The following ADGRE3 variants were observed in gnomAD, a reference collection of about 807,000 sequenced individuals.
ADGRE3 encodes the protein adhesion G protein-coupled receptor E3, also known as EGF-like module receptor 3.
Under a neutral mutation model 80.1 loss-of-function variants are expected in ADGRE3, and 88 were observed. The ratio of observed to expected loss-of-function variants is 1.10; its 90% CI spans 0.93 to 1.31. The LOEUF (loss-of-function observed/expected upper bound fraction) is 1.31, where lower values mean the gene tolerates loss of function less well. Among genes scored for constraint, ADGRE3 ranks in the 40% most tolerant of loss-of-function variants. The pLI, the probability that ADGRE3 is intolerant of heterozygous loss-of-function variation, is 0.00. For missense variants in ADGRE3, 715 were observed against 776.5 expected, an observed-to-expected ratio of 0.92 and a Z score of 0.94; for synonymous variants, 281 against 294.8, an observed-to-expected ratio of 0.95 and a Z score of 0.48.
At chr19:14,654,621 T>G (rs573686465) in intron 6 of ADGRE3, among the ~76,000 whole-genome samples, 8 of 152,204 alleles carry the variant, frequency 5.3e-5, no homozygotes, top group African/African-American at 1.9e-4. Flanking sequence ...ATTGGCAATC[T>G]TCTGAATAAA....
intron 1 of ADGRE3, 34 bp from the exon 2 acceptor site, chr19:14,668,886 G>A: frequency 6.2e-7 from 1 of 1,600,296 alleles, no homozygotes; most frequent in Non-Finnish European, 8.6e-7. Flanking sequence ...GGAGAGACAT[G>A]AAACAATTGA....
chr19:14,647,620 GTTGGCCAGGC>G (rs1971451938), intron 7 of ADGRE3, among the ~76,000 whole-genome samples: 1 of 151,386 alleles, frequency 6.6e-6, no homozygotes, highest in Admixed American at 6.6e-5. Context: ...GTTTCACTAT[GTTGGCCAGGC>G]TGGTCTCAAA....
chr19:14,619,639 C>T (rs1970477554), intron 15 of ADGRE3, among the ~76,000 whole-genome samples, 168 bp from the exon 16 acceptor site: 1 of 152,218 alleles, frequency 6.6e-6, no homozygotes, highest in Admixed American at 6.5e-5. Context: ...ATGTGGTCTT[C>T]TTTGGCTTAG....
rs1310594817 is a variant in ADGRE3 at position 14,638,349 on chromosome 19, G to A, written c.1249-9C>T. 6.2e-7 allele frequency: 1 copy of A among 1,608,770 alleles called. No individual in the cohort carries two copies. Among genetic ancestry groups the A allele is most frequent in the Non-Finnish European group, 8.5e-7 (1 of 1,175,452 alleles). ...ATGATGGAGCACAGCACCTGGGGGAGGAGAAAGGGATGCCTGAAGGGGTTG... is the reference window on the plus strand; with the variant it reads ...ATGATGGAGCACAGCACCTGGGGGAAGAGAAAGGGATGCCTGAAGGGGTTG... On this transcript the variant is annotated splice_polypyrimidine_tract_variant and intron_variant, in intron 10 of 15. Coordinates refer to ENST00000253673, the MANE Select transcript of ADGRE3 (RefSeq NM_032571.5).
intron 3 of ADGRE3, 134 bp from the exon 4 acceptor site, chr19:14,662,252 A>G: frequency 1.2e-6 from 1 of 820,088 alleles, no homozygotes; most frequent in South Asian, 1.9e-5. Context: ...GGTAATGGTT[A>G]TCTTGGTTTT....
chr19:14,617,341 C>CCTTTCTTTTTCTTT (rs2075083332), downstream of ADGRE3, among the ~76,000 whole-genome samples: 2 of 57,170 alleles, frequency 3.5e-5, no homozygotes, highest in South Asian at 7.3e-4. Context: ...TCCCTCCCTC[C>CCTTTCTTTTTCTTT]CTTTCTTTCT....
chr19:14,605,609 C>T, the ADGRE3 span, among the ~76,000 whole-genome samples: 2 of 152,158 alleles, frequency 1.3e-5, no homozygotes, highest in Non-Finnish European at 2.9e-5. Flanking sequence ...TCCCTCCCTG[C>T]CCCCTACTTG....
the ADGRE3 span, among the ~76,000 whole-genome samples, chr19:14,613,542 T>C: frequency 3.3e-5 from 5 of 152,118 alleles, no homozygotes; most frequent in Non-Finnish European, 7.4e-5. Context: ...CCTTAATCAA[T>C]AGCAGAATCT....
At chr19:14,666,934 C>T (rs1243218744) in intron 2 of ADGRE3, among the ~76,000 whole-genome samples, 1 of 152,164 alleles carries the variant, frequency 6.6e-6, no homozygotes, top group East Asian at 1.9e-4. Flanking sequence ...TCCTAAAATT[C>T]ATGTCCACCC....
intron 7 of ADGRE3, 87 bp downstream of exon 7, chr19:14,650,992 CATGAGG>C: frequency 1.5e-6 from 2 of 1,375,476 alleles, no homozygotes; most frequent in Non-Finnish European, 2.0e-6. Context: ...GTAAAAAGCC[CATGAGG>C]GGAGAGCCCA....
chr19:14,614,137 C>T (rs2075062609), downstream of ADGRE3, among the ~76,000 whole-genome samples: 1 of 152,204 alleles, frequency 6.6e-6, no homozygotes, highest in Non-Finnish European at 1.5e-5. Flanking sequence ...TGATGCATCA[C>T]TACCAAAGCC....
chr19:14,608,975 G>T, the ADGRE3 span, among the ~76,000 whole-genome samples: 1 of 151,742 alleles, frequency 6.6e-6, no homozygotes, highest in African/African-American at 2.4e-5. Context: ...AATTTTTGTA[G>T]TTTTAGTAGA....
the ADGRE3 span, chr19:14,607,192 G>A: frequency 2.1e-6 from 1 of 484,676 alleles, no homozygotes; most frequent in Non-Finnish European, 3.2e-6. Context: ...CATGGTTGAA[G>A]GAGTCAGGAG....
intron 11 of ADGRE3, among the ~76,000 whole-genome samples, chr19:14,637,115 CA>C (rs1010933548): frequency 1.3e-5 from 2 of 151,714 alleles, no homozygotes; most frequent in African/African-American, 2.4e-5. Context: ...AAAAACAAAA[CA>C]AAAAAAATTA....
chr19:14,643,501 T>C lies in ADGRE3; in HGVS notation c.1050+607A>G, dbSNP rs571413521. Among the ~76,000 whole-genome samples the C allele has an allele frequency of 3.9e-5, 6 of 152,202 alleles. No homozygotes were observed. In the South Asian group the frequency reaches 1.2e-3, roughly 32 times the overall value. On this transcript the variant is annotated intron_variant, in intron 9 of 15. Coordinates refer to ENST00000253673, the MANE Select transcript of ADGRE3 (RefSeq NM_032571.5). ...GTCTGAGCAACTGAGGTCAACCATG[T>C]AGGCATTGCATCCCTATGTGAATGA...
At chr19:14,615,199 CTTCTTTTTTTTT>C (rs2075068505), downstream of ADGRE3, among the ~76,000 whole-genome samples, 1 of 91,024 alleles carries the variant, frequency 1.1e-5, no homozygotes, top group Non-Finnish European at 2.4e-5. Context: ...CTACAGCTGC[CTTCTTTTTTTTT>C]TTTTTTTTTT....
At chr19:14,650,629 ATCTCTCTCTCTCTCTCTCTCTCTC>A (rs376333448) in intron 7 of ADGRE3, among the ~76,000 whole-genome samples, 7 of 24,910 alleles carry the variant, frequency 2.8e-4, no homozygotes, top group African/African-American at 4.2e-4. Flanking sequence ...CTCTGTCTCC[ATCTCTCTCTCTCTCTCTCTCTCTC>A]TCTCTCTCTC....
downstream of ADGRE3, among the ~76,000 whole-genome samples, chr19:14,616,616 C>A (rs552349007): frequency 6.6e-6 from 1 of 151,542 alleles, no homozygotes; most frequent in Admixed American, 6.6e-5. Flanking sequence ...AATGTTGACC[C>A]AGCGGTCAAG....
chr19:14,655,796 G>A lies in ADGRE3; in HGVS notation c.394-631C>T, dbSNP rs551367133. On this transcript the variant is annotated intron_variant, in intron 5 of 15. Coordinates refer to ENST00000253673, the MANE Select transcript of ADGRE3 (RefSeq NM_032571.5). ...ATTATTAACGTTTTTTGCCAACAAG[G>A]TAGTGATAAGTTTGTTAGAAATAGA... Among the ~76,000 whole-genome samples, 4 of 152,034 alleles carry A rather than the reference G, an allele frequency of 2.6e-5. No individual in the cohort carries two copies. In the South Asian group the frequency reaches 6.2e-4, roughly 24 times the overall value.
Sources: gnomAD v4.1 joint callset for allele counts (sites outside exome capture counted in the v4.1 genomes callset) on GRCh38, gnomAD v4.1.1 for gene constraint, MANE v1.5 for transcripts, NCBI Gene and HGNC (gene_info 2026-07-23, HGNC 2026-07-21) for gene names.